The following ESRRB variants were observed in gnomAD, a reference collection of about 807,000 sequenced individuals.
The protein encoded by ESRRB is estrogen related receptor beta.
ESRRB carries 16 observed loss-of-function variants against 46.0 expected under a neutral mutation model. The observed-to-expected ratio is 0.35, with a 90% CI of 0.24 to 0.53. The LOEUF is 0.53. ESRRB is among the 20% of genes least tolerant of loss of function. ESRRB has a pLI of 0.93. For missense variants in ESRRB, 488 were observed against 607.4 expected (o/e 0.80, Z 2.07); for synonymous variants, 246 against 259.6 (o/e 0.95, Z 0.50).
chr14:76,463,445 G>GTTTTTTTTGTTTTGTTTTT (rs1362309981), intron 3 of ESRRB: 4 of 114,736 alleles, frequency 3.5e-5, no homozygotes, highest in African/African-American at 1.5e-4. Flanking sequence ...ATGCTTCTTT[G>GTTTTTTTTGTTTTGTTTTT]TTTTTTTTTT....
chr14:76,440,367 A>G lies in ESRRB; in HGVS notation c.460+617A>G, dbSNP rs201579594. 3.3e-5 allele frequency among the ~76,000 whole-genome samples: 5 copies of G among 152,244 alleles called. No homozygotes were observed. The East Asian group carries it at 9.7e-4, about 29-fold the overall frequency. On this transcript the variant is annotated intron_variant, in intron 2 of 6. Coordinates refer to ENST00000644823, the MANE Select transcript of ESRRB (RefSeq NM_001379180.1). ...CTAGTCCCAGCTACTTGGGATGCTG[A>G]GGCTGCAGTGACCTGTGATGGCACC...
rs71452810 is a variant in ESRRB, at chr14:76,414,668, T to TAAAAAAAAAA, written c.51-24657_51-24648dup. ...TCTGCTGCTGTTTTTGTTTGTTCCTTAAAAAAAAAAAAAAAAAAAAAAAAA... is the reference window on the plus strand; with the variant it reads ...TCTGCTGCTGTTTTTGTTTGTTCCTTAAAAAAAAAAAAAAAAAAAAAAAAAAAAAAAAAAA... On this transcript the variant is annotated intron_variant, in intron 1 of 6. Transcript: ENST00000644823. Among the ~76,000 whole-genome samples, 371 of 116,788 alleles carry TAAAAAAAAAA rather than the reference T, an allele frequency of 3.2e-3. 6 individuals are homozygous for TAAAAAAAAAA. The highest frequency in any genetic ancestry group is 6.4e-3 in the South Asian group (17 of 2,654). The allele number at this position is 116,788 out of a possible 152,430, so 76.6% of individuals were successfully genotyped here.
chr14:76,417,805 A>G lies in ESRRB; in HGVS notation c.51-21536A>G, dbSNP rs1886769154. ...AAGAACAAGCCTTCCCAGAGGCCCG[A>G]GGCATCACACAGGTAGTCCCTGGCC... On this transcript the variant is annotated intron_variant, in intron 1 of 6. Coordinates refer to ENST00000644823, the MANE Select transcript of ESRRB (RefSeq NM_001379180.1). 2.0e-5 allele frequency among the ~76,000 whole-genome samples: 3 copies of G among 152,092 alleles called. No homozygotes were observed. In the South Asian group the frequency reaches 6.2e-4, roughly 32 times the overall value.
At chr14:76,400,379 T>C (rs1230573527) in intron 1 of ESRRB, among the ~76,000 whole-genome samples, 1 of 152,194 alleles carries the variant, frequency 6.6e-6, no homozygotes, top group Non-Finnish European at 1.5e-5. Flanking sequence ...GACTTCCATC[T>C]GAAGACCGTT....
At chr14:76,432,559 T>G (rs1240945650) in intron 1 of ESRRB, among the ~76,000 whole-genome samples, 1 of 151,998 alleles carries the variant, frequency 6.6e-6, no homozygotes, top group Non-Finnish European at 1.5e-5. Flanking sequence ...TGTGGGTGGG[T>G]TTGGGGGGTA....
At chr14:76,427,593 G>C (rs952463276) in intron 1 of ESRRB, among the ~76,000 whole-genome samples, 19 of 152,116 alleles carry the variant, frequency 1.2e-4, no homozygotes, top group African/African-American at 4.1e-4. Context: ...GAAGGAGAGA[G>C]GGAGCAAGAC....
intron 1 of ESRRB, among the ~76,000 whole-genome samples, chr14:76,432,527 A>G (rs1178958104): frequency 6.6e-6 from 1 of 152,102 alleles, no homozygotes; most frequent in Admixed American, 6.6e-5. Context: ...TCACAGAGTC[A>G]CTGCAGGCTG....
intron 1 of ESRRB, among the ~76,000 whole-genome samples, chr14:76,392,640 T>C (rs61979390): frequency 0.14 from 21,158 of 152,212 alleles, 1,819 homozygotes; most frequent in Non-Finnish European, 0.19. Flanking sequence ...ATTAATGTGG[T>C]CTCAGGCAGA....
intron 1 of ESRRB, among the ~76,000 whole-genome samples, chr14:76,398,973 G>A (rs138809104): frequency 6.6e-6 from 1 of 152,082 alleles, no homozygotes. Context: ...TGCATAGGTG[G>A]GTTAGGGGTT....
chr14:76,500,181 A>C lies in ESRRB; in HGVS notation c.*1723A>C, dbSNP rs1443387482. The C allele has an allele frequency of 3.9e-5, 32 of 827,536 alleles. No individual in the cohort carries two copies. The highest frequency in any genetic ancestry group is 1.9e-6 in the Non-Finnish European group (1 of 529,118). 51.3% of individuals were successfully genotyped at this position (827,536 alleles called of 1,614,324 possible). A position where few individuals can be genotyped will look rare whatever the true frequency, so the allele number is the denominator to read the frequency against. ...ACGTGCTGAGGTCATCCCAGACAGG[A>C]GGGAGGGCTGGCTGAAATCCACAAA... On this transcript the variant is annotated 3_prime_UTR_variant, in exon 7 of 7. Coordinates refer to ENST00000644823, the MANE Select transcript of ESRRB (RefSeq NM_001379180.1).
chr14:76,431,271 A>C (rs148301985), intron 1 of ESRRB, among the ~76,000 whole-genome samples: 1 of 152,176 alleles, frequency 6.6e-6, no homozygotes, highest in African/African-American at 2.4e-5. Flanking sequence ...TCCAGCCTGG[A>C]TGACAGAACA....
At chr14:76,437,769 T>C (rs67024002) in intron 1 of ESRRB, among the ~76,000 whole-genome samples, 5,178 of 152,224 alleles carry the variant, frequency 0.034, 162 homozygotes, top group East Asian at 0.15. Flanking sequence ...CTCCCAGGTG[T>C]GAGCTCAGCT....
intron 2 of ESRRB, among the ~76,000 whole-genome samples, chr14:76,458,945 A>G (rs1888738030): frequency 6.6e-6 from 1 of 151,158 alleles, no homozygotes; most frequent in Non-Finnish European, 1.5e-5. Context: ...CCTGGGTTCA[A>G]GCAATCCTTC....
intron 1 of ESRRB, among the ~76,000 whole-genome samples, chr14:76,317,008 C>T (rs1883808714): frequency 6.6e-6 from 1 of 152,144 alleles, no homozygotes; most frequent in Non-Finnish European, 1.5e-5. Context: ...CCGGGTGGTA[C>T]ACATGAGAGG....
At chr14:76,366,958 G>A (rs1884529485), upstream of ESRRB, among the ~76,000 whole-genome samples, 2 of 152,132 alleles carry the variant, frequency 1.3e-5, no homozygotes, top group Non-Finnish European at 2.9e-5. Flanking sequence ...ACCAAAGAGG[G>A]GGTTCGTAAA....
At chr14:76,389,117 A>G (rs544635908) in intron 1 of ESRRB, among the ~76,000 whole-genome samples, 4 of 152,108 alleles carry the variant, frequency 2.6e-5, no homozygotes, top group Admixed American at 2.6e-4. Flanking sequence ...CATCTGGAAA[A>G]CTTTTACCTA....
chr14:76,323,734 T>C (rs1333195204), intron 1 of ESRRB, among the ~76,000 whole-genome samples: 2 of 152,132 alleles, frequency 1.3e-5, no homozygotes, highest in Admixed American at 6.5e-5. Flanking sequence ...GACAGCATAT[T>C]AGGGTGAATT....
chr14:76,368,934 C>G (rs1287440777), upstream of ESRRB, among the ~76,000 whole-genome samples: 1 of 152,138 alleles, frequency 6.6e-6, no homozygotes. Context: ...TGGTGGCTCA[C>G]GCCTGTAATC....
Position 76,501,399 on chromosome 14 carries a change from C to T in ESRRB, c.*2941C>T, listed in dbSNP as rs192592195. On this transcript the variant is annotated 3_prime_UTR_variant, in exon 7 of 7. Transcript: ENST00000644823. Reference sequence around the variant, plus strand: ...CACACTTTAAGAACCAAGTAAGAGGCTCTCAAGACTCCAGCAGAGTCGGGA... The same window carrying T: ...CACACTTTAAGAACCAAGTAAGAGGTTCTCAAGACTCCAGCAGAGTCGGGA... The T allele has an allele frequency of 3.3e-4, 51 of 152,412 alleles. No individual in the cohort carries two copies. The highest frequency in any genetic ancestry group is 1.1e-3 in the African/African-American group (45 of 41,550). 9.4% of individuals were successfully genotyped at this position (152,412 alleles called of 1,614,324 possible). A position where few individuals can be genotyped will look rare whatever the true frequency, so the allele number is the denominator to read the frequency against.
Sources: allele counts gnomAD v4.1 joint callset (sites outside exome capture counted in the v4.1 genomes callset), GRCh38; gene constraint gnomAD v4.1.1; transcripts MANE v1.5; gene names NCBI Gene and HGNC (gene_info 2026-07-23, HGNC 2026-07-21).